Variants in SLC16A1 observed in about 807,000 individuals in gnomAD.
SLC16A1 encodes solute carrier family 16 member 1.
SLC16A1 carries 11 observed loss-of-function variants against 32.2 expected under a neutral mutation model. That is an observed-to-expected ratio of 0.34 (90% confidence interval 0.21 to 0.56). SLC16A1 has a LOEUF of 0.56. SLC16A1 is among the 20% of genes least tolerant of loss of function. SLC16A1 has a pLI of 0.87. For synonymous variants in SLC16A1, 231 were observed against 226.8 expected (o/e 1.02, Z -0.17); for missense variants, 435 against 615.0 (o/e 0.71, Z 3.10).
chr1:112,952,653 T>C (rs1269909308), intron 1 of SLC16A1, among the ~76,000 whole-genome samples: 2 of 152,098 alleles, frequency 1.3e-5, no homozygotes, highest in African/African-American at 4.8e-5. Context: ...TCCAGTAGGG[T>C]CTGGGGAAAG....
intron 1 of SLC16A1, among the ~76,000 whole-genome samples, chr1:112,948,416 C>A (rs1293026528): frequency 6.6e-6 from 1 of 152,082 alleles, no homozygotes; most frequent in Non-Finnish European, 1.5e-5. Flanking sequence ...CGATATAAAT[C>A]TTAGACTATG....
rs192873631 is a variant in SLC16A1, at chr1:112,923,524, T to A, written c.218-1391A>T. 1.9e-3 allele frequency: 1,955 copies of A among 1,054,566 alleles called. 17 individuals are homozygous for A. Among genetic ancestry groups the A allele is most frequent in the South Asian group, 4.6e-4 (37 of 79,754 alleles). 65.3% of individuals were successfully genotyped at this position (1,054,566 alleles called of 1,614,324 possible). On this transcript the variant is annotated intron_variant, in intron 2 of 4. Transcript: ENST00000369626. ...CACACCAAGATAGACACGGCCTTCGTGTACAGCGACAGCCAGTCCAAGACC... is the reference window on the plus strand; with the variant it reads ...CACACCAAGATAGACACGGCCTTCGAGTACAGCGACAGCCAGTCCAAGACC...
rs571621474 is a variant in SLC16A1, at chr1:112,914,209, CAG to C, written c.1229-46_1229-45del. 2.6e-3 allele frequency: 4,137 copies of C among 1,610,352 alleles called. 9 individuals are homozygous for C. Among genetic ancestry groups the C allele is most frequent in the Non-Finnish European group, 3.0e-3 (3,486 of 1,177,152 alleles). On this transcript the variant is annotated intron_variant, in intron 4 of 4. Transcript: ENST00000369626. ...ACAAACAGTTGTTTCTAAGAGTAAA[CAG>C]TTTTTTTTTCCCCCAAGCAAAGCTT...
At chr1:112,947,197 C>G (rs1649735453) in intron 1 of SLC16A1, among the ~76,000 whole-genome samples, 1 of 152,196 alleles carries the variant, frequency 6.6e-6, no homozygotes, top group Admixed American at 6.5e-5. Context: ...TACAGCAACT[C>G]AAAATATATT....
In SLC16A1 at chr1:112,929,363, T is replaced by C; in HGVS notation, c.-44-11A>G. On this transcript the variant is annotated splice_polypyrimidine_tract_variant and intron_variant, in intron 1 of 4. Transcript: ENST00000369626. ...GTCAAATCCAAATATCTGAAAGACA[T>C]AAAATTAAAATAGTATGTCAATATA... is the stretch of plus-strand genomic sequence containing the variant. 7 of 1,403,840 alleles carry C rather than the reference T, an allele frequency of 5.0e-6. No homozygotes were observed. Among genetic ancestry groups the C allele is most frequent in the African/African-American group, 2.8e-5 (2 of 70,492 alleles). The allele number at this position is 1,403,840 out of a possible 1,614,324, so 87.0% of individuals were successfully genotyped here.
intron 2 of SLC16A1, among the ~76,000 whole-genome samples, chr1:112,925,465 G>A (rs543396961): frequency 9.2e-5 from 14 of 151,728 alleles, no homozygotes; most frequent in African/African-American, 3.1e-4. Flanking sequence ...CTGCAGCCTC[G>A]ACCTCCTGGG....
chr1:112,953,720 T>C (rs1027017159), intron 1 of SLC16A1, among the ~76,000 whole-genome samples: 1 of 152,222 alleles, frequency 6.6e-6, no homozygotes, highest in Non-Finnish European at 1.5e-5. Flanking sequence ...GTAGCTTCAG[T>C]GTTCATGTCT....
intron 2 of SLC16A1, among the ~76,000 whole-genome samples, chr1:112,923,065 C>G (rs1333630517): frequency 6.6e-6 from 1 of 152,064 alleles, no homozygotes; most frequent in Admixed American, 6.5e-5. Flanking sequence ...GTGGCTCATG[C>G]CTGTAATCCC....
At chr1:112,923,707 CGGT>C in intron 2 of SLC16A1, 1 of 1,538,178 alleles carries the variant, frequency 6.5e-7, no homozygotes, top group Admixed American at 1.7e-5. Context: ...CACAGCACCC[CGGT>C]GGAAGAGACA....
At chr1:112,953,327 A>G (rs936137957) in intron 1 of SLC16A1, among the ~76,000 whole-genome samples, 5 of 151,874 alleles carry the variant, frequency 3.3e-5, no homozygotes, top group Non-Finnish European at 7.4e-5. Context: ...ATGCCTGGCT[A>G]ATTTTTTGTA....
intron 1 of SLC16A1, among the ~76,000 whole-genome samples, chr1:112,934,807 T>C (rs915689125): frequency 3.9e-5 from 6 of 152,208 alleles, no homozygotes; most frequent in Non-Finnish European, 7.3e-5. Flanking sequence ...AGAATATCTT[T>C]GTTGTTCTTC....
At chr1:112,931,442 T>C (rs1373030850) in intron 1 of SLC16A1, among the ~76,000 whole-genome samples, 1 of 151,942 alleles carries the variant, frequency 6.6e-6, no homozygotes, top group African/African-American at 2.4e-5. Context: ...GATCAGGAGT[T>C]CGAGACCAAC....
chr1:112,953,968 C>A (rs964637479), intron 1 of SLC16A1, among the ~76,000 whole-genome samples: 1 of 152,206 alleles, frequency 6.6e-6, no homozygotes, highest in African/African-American at 2.4e-5. Flanking sequence ...ATATATTTAT[C>A]TGTTTTCCAG....
At chr1:112,948,865 C>T (rs1277460602) in intron 1 of SLC16A1, among the ~76,000 whole-genome samples, 1 of 152,018 alleles carries the variant, frequency 6.6e-6, no homozygotes, top group Non-Finnish European at 1.5e-5. Context: ...GAGTCTCGCT[C>T]TGTTGCCCAG....
intron 1 of SLC16A1, among the ~76,000 whole-genome samples, chr1:112,938,299 A>G (rs952667774): frequency 6.6e-6 from 1 of 152,208 alleles, no homozygotes; most frequent in Non-Finnish European, 1.5e-5. Context: ...GCTAAAGTAG[A>G]TAACCTGTTG....
At chr1:112,943,966 C>A (rs771020706) in intron 1 of SLC16A1, among the ~76,000 whole-genome samples, 7 of 151,950 alleles carry the variant, frequency 4.6e-5, no homozygotes, top group Non-Finnish European at 1.0e-4. Flanking sequence ...CAGACATAAT[C>A]CCTGCCTTCA....
chr1:112,915,905 G>A (rs894247931), intron 4 of SLC16A1, among the ~76,000 whole-genome samples: 1 of 152,260 alleles, frequency 6.6e-6, no homozygotes, highest in East Asian at 1.9e-4. Context: ...TATGTGTTAT[G>A]TATTGAGCTA....
chr1:112,942,411 C>T (rs900769102), intron 1 of SLC16A1, among the ~76,000 whole-genome samples: 2 of 152,208 alleles, frequency 1.3e-5, no homozygotes, highest in African/African-American at 4.8e-5. Flanking sequence ...AACATGAAGG[C>T]ATGTGGACAT....
At chr1:112,923,342 C>G (rs752549406) in intron 2 of SLC16A1, 1 of 499,334 alleles carries the variant, frequency 2.0e-6, no homozygotes, top group Admixed American at 3.1e-5. Flanking sequence ...TAAAGCCACG[C>G]GGCCGCCAAC....
Sources: allele counts gnomAD v4.1 joint callset (sites outside exome capture counted in the v4.1 genomes callset), GRCh38; gene constraint gnomAD v4.1.1; transcripts MANE v1.5; gene names NCBI Gene and HGNC (gene_info 2026-07-23, HGNC 2026-07-21).